PIKFYVE: variants seen among roughly 807,000 people sequenced by gnomAD.
PIKFYVE encodes 1-phosphatidylinositol 3-phosphate 5-kinase.
In PIKFYVE, 122 loss-of-function variants were observed where a neutral mutation model predicts 257.9. The ratio of observed to expected loss-of-function variants is 0.47; its 90% confidence interval spans 0.41 to 0.55. The LOEUF is 0.55. Among genes scored for constraint, PIKFYVE ranks in the 20% least tolerant of loss-of-function variants. The pLI is 0.00. For missense variants in PIKFYVE, 2,160 were observed against 2,536.6 expected, an observed-to-expected ratio of 0.85 and a Z score of 3.19; for synonymous variants, 892 against 868.9, an observed-to-expected ratio of 1.03 and a Z score of -0.47.
intron 7 of PIKFYVE, among the ~76,000 whole-genome samples, chr2:208,294,396 T>A (rs1383185933): frequency 6.6e-6 from 1 of 152,238 alleles, no homozygotes; most frequent in Non-Finnish European, 1.5e-5. Context: ...CCCACATTCA[T>A]GTTGAGCCTG....
At chr2:208,353,297 A>G (rs1699934198) in intron 39 of PIKFYVE, among the ~76,000 whole-genome samples, 1 of 152,188 alleles carries the variant, frequency 6.6e-6, no homozygotes, top group Non-Finnish European at 1.5e-5. Flanking sequence ...ATACTTAATA[A>G]TGTAATTGAT....
At chr2:208,290,268 TCTC>T (rs746818139) in intron 7 of PIKFYVE, among the ~76,000 whole-genome samples, 1 of 152,242 alleles carries the variant, frequency 6.6e-6, no homozygotes, top group Non-Finnish European at 1.5e-5. Context: ...CTACTGGGCT[TCTC>T]CTATTTATCC....
At chr2:208,328,109 A>T in intron 20 of PIKFYVE, 71 bp from the exon 21 acceptor site, 3 of 1,609,452 alleles carry the variant, frequency 1.9e-6, no homozygotes, top group Non-Finnish European at 8.5e-7. Flanking sequence ...AATAGAGTGG[A>T]GTGTGTTTGG....
At chr2:208,295,637 C>G (rs1692871937) in intron 7 of PIKFYVE, among the ~76,000 whole-genome samples, 2 of 152,158 alleles carry the variant, frequency 1.3e-5, no homozygotes, top group Admixed American at 1.3e-4. Context: ...AGTAATACTC[C>G]ATGAGTGCTA....
At chr2:208,312,779 C>A (rs200952003) in intron 13 of PIKFYVE, among the ~76,000 whole-genome samples, 2 of 31,402 alleles carry the variant, frequency 6.4e-5, no homozygotes, top group Non-Finnish European at 1.8e-4. Flanking sequence ...AGGAGATTAG[C>A]CTTCTCCTAT....
In PIKFYVE at chr2:208,304,832, C is replaced by T. The variant is rs751121280; in HGVS notation, c.1469-14C>T. ...CCTCTCCCTATATTTCTTTCCCCTT[C>T]CCAACACTAAAAGATTCTGCCAGTC... On this transcript the variant is annotated splice_polypyrimidine_tract_variant and intron_variant, in intron 11 of 41. Transcript: ENST00000264380. 21 of 1,612,200 alleles carry T rather than the reference C, an allele frequency of 1.3e-5. No individual in the cohort carries two copies. The highest frequency in any genetic ancestry group is 1.4e-5 in the Non-Finnish European group (17 of 1,178,372).
chr2:208,325,201 A>T, intron 19 of PIKFYVE, 69 bp from the exon 20 acceptor site: 7 of 1,563,704 alleles, frequency 4.5e-6, no homozygotes, highest in Non-Finnish European at 6.1e-6. Context: ...AAGAGAGTGA[A>T]TTAATTCTAT....
At chr2:208,266,921 T>G (rs2885785) in intron 1 of PIKFYVE, among the ~76,000 whole-genome samples, 4 of 152,326 alleles carry the variant, frequency 2.6e-5, no homozygotes, top group African/African-American at 9.6e-5. Context: ...GTTTTGGAGT[T>G]TCTTGAGGAG....
intron 9 of PIKFYVE, among the ~76,000 whole-genome samples, chr2:208,301,599 C>T (rs1443308341): frequency 4.6e-5 from 7 of 152,158 alleles, no homozygotes; most frequent in Non-Finnish European, 7.4e-5. Flanking sequence ...GAAAAAGGTA[C>T]GTAATGAAGT....
chr2:208,274,528 G>A (rs1689857527), intron 3 of PIKFYVE, among the ~76,000 whole-genome samples: 1 of 152,144 alleles, frequency 6.6e-6, no homozygotes, highest in Non-Finnish European at 1.5e-5. Context: ...AGTGGTGGTT[G>A]GCAGAAGGAT....
intron 40 of PIKFYVE, 130 bp downstream of exon 40, chr2:208,354,289 T>A: frequency 8.0e-7 from 1 of 1,247,114 alleles, no homozygotes; most frequent in Non-Finnish European, 1.1e-6. Context: ...ATTTCAAAAA[T>A]AAGTTTTTTA....
intron 5 of PIKFYVE, 123 bp downstream of exon 5, chr2:208,277,831 A>G (rs562696968): frequency 1.0e-6 from 1 of 986,642 alleles, no homozygotes. Flanking sequence ...GGGGACACAA[A>G]GGTGAGGGAG....
rs1217330984 is a variant in PIKFYVE at position 208,358,682 on chromosome 2, C to G, written c.*3377C>G. The G allele has an allele frequency of 6.6e-6, 1 of 152,512 alleles. No individual in the cohort carries two copies. Among genetic ancestry groups the G allele is most frequent in the Non-Finnish European group, 1.5e-5 (1 of 68,016 alleles). 9.4% of individuals were successfully genotyped at this position (152,512 alleles called of 1,614,324 possible). On this transcript the variant is annotated 3_prime_UTR_variant, in exon 42 of 42. Coordinates refer to ENST00000264380, the MANE Select transcript of PIKFYVE (RefSeq NM_015040.4). ...GACATGTTATTTAAAAGATAACTGCCTTGAACTTTTGGAGACTTGTACTGT... is the reference window on the plus strand; with the variant it reads ...GACATGTTATTTAAAAGATAACTGCGTTGAACTTTTGGAGACTTGTACTGT...
At chr2:208,284,276 T>G (rs1270829629) in intron 5 of PIKFYVE, among the ~76,000 whole-genome samples, 1 of 151,926 alleles carries the variant, frequency 6.6e-6, no homozygotes, top group Admixed American at 6.6e-5. Context: ...TTTTTTTTTT[T>G]TCCCAGACAG....
rs766674904 is a variant in PIKFYVE, at chr2:208,304,942, A to G, written c.1565A>G (p.Asp522Gly). 26 of 1,614,008 alleles carry G rather than the reference A, an allele frequency of 1.6e-5. No homozygotes were observed. In the Admixed American group the frequency reaches 4.3e-4, roughly 27 times the overall value. The change falls in exon 12 of 42, where the codon GAC becomes GGC. Residue 522 changes from aspartate to glycine, a missense_variant. By Grantham distance (94) the Asp-to-Gly change is moderately conservative. Coordinates refer to ENST00000264380, the MANE Select transcript of PIKFYVE (RefSeq NM_015040.4). ...AASISLNVEL[D>G]NVNFHIKKPS... Reference sequence around the variant, plus strand: ...TCTATCAGCCTGAACGTGGAGCTGGACAACGTGAACTTCCATATCAAGAAG... The same window carrying G: ...TCTATCAGCCTGAACGTGGAGCTGGGCAACGTGAACTTCCATATCAAGAAG...
At chr2:208,285,270 A>G (rs1691414526) in intron 5 of PIKFYVE, among the ~76,000 whole-genome samples, 2 of 151,524 alleles carry the variant, frequency 1.3e-5, no homozygotes, top group South Asian at 2.1e-4. Context: ...TAATTTTTGT[A>G]TTTTTAGTAG....
At chr2:208,271,380 T>A in intron 1 of PIKFYVE, 131 bp from the exon 2 acceptor site, 1 of 859,564 alleles carries the variant, frequency 1.2e-6, no homozygotes, top group Non-Finnish European at 1.9e-6. Context: ...GAAGCTAGAT[T>A]TATTTACTGT....
At chr2:208,327,395 AT>A (rs1386704269) in intron 20 of PIKFYVE, among the ~76,000 whole-genome samples, 2 of 152,160 alleles carry the variant, frequency 1.3e-5, no homozygotes, top group African/African-American at 4.8e-5. Context: ...GGGTGCTTGC[AT>A]TTTTTAAGAA....
At chr2:208,324,482 T>C (rs1232421611) in intron 18 of PIKFYVE, among the ~76,000 whole-genome samples, 200 bp downstream of exon 18, 1 of 152,238 alleles carries the variant, frequency 6.6e-6, no homozygotes, top group South Asian at 2.1e-4. Flanking sequence ...GATTATGTAA[T>C]ACTTATTGGT....
Sources: allele counts gnomAD v4.1 joint callset (sites outside exome capture counted in the v4.1 genomes callset), GRCh38; gene constraint gnomAD v4.1.1; transcripts MANE v1.5; gene names NCBI Gene and HGNC (gene_info 2026-07-23, HGNC 2026-07-21).